Variants in CPN1 observed in about 807,000 individuals in gnomAD.
CPN1 encodes carboxypeptidase N subunit 1.
In CPN1, 37 loss-of-function variants were observed where a neutral mutation model predicts 46.4. The ratio of observed to expected loss-of-function variants is 0.80; its 90% CI spans 0.61 to 1.05. CPN1 has a LOEUF of 1.05. Ranked by LOEUF, CPN1 falls within the 50% of genes least tolerant of loss-of-function variation. The pLI is 0.00. For missense variants in CPN1, 563 were observed against 602.6 expected (o/e 0.93, Z 0.69); for synonymous variants, 224 against 235.4 (o/e 0.95, Z 0.44).
chr10:100,075,810 T>G, intron 2 of CPN1, 101 bp downstream of exon 2: 3 of 1,211,516 alleles, frequency 2.5e-6, no homozygotes, highest in Non-Finnish European at 3.6e-6. Flanking sequence ...CTTTTAACAT[T>G]TGTGATATTT....
intron 7 of CPN1, among the ~76,000 whole-genome samples, chr10:100,051,042 C>A (rs933449348): frequency 5.3e-5 from 8 of 152,210 alleles, no homozygotes; most frequent in East Asian, 3.9e-4. Flanking sequence ...AAAAAAATTT[C>A]TTTTATCATC....
chr10:100,069,592 A>G (rs2041472917), intron 3 of CPN1, 122 bp downstream of exon 3: 2 of 1,162,496 alleles, frequency 1.7e-6, no homozygotes, highest in African/African-American at 3.0e-5. Context: ...ATGGGTTAAT[A>G]CTGAGTTGAG....
chr10:100,072,362 A>G (rs1056378264), intron 2 of CPN1, among the ~76,000 whole-genome samples: 2 of 152,162 alleles, frequency 1.3e-5, no homozygotes, highest in Middle Eastern at 3.4e-3. Flanking sequence ...ATTTGTAAAG[A>G]TGGGGTTTTG....
At chr10:100,068,266 T>G (rs2041466019) in intron 3 of CPN1, among the ~76,000 whole-genome samples, 1 of 136,386 alleles carries the variant, frequency 7.3e-6, no homozygotes, top group African/African-American at 2.8e-5. Flanking sequence ...CAAGCTGGAG[T>G]GCAGTGGCAC....
At chr10:100,062,640 G>A (rs1274776952) in intron 5 of CPN1, among the ~76,000 whole-genome samples, 1 of 149,816 alleles carries the variant, frequency 6.7e-6, no homozygotes, top group Non-Finnish European at 1.5e-5. Context: ...CCAGGCTGGA[G>A]TGCAGTGGTG....
At chr10:100,064,786 TTTC>T (rs2041443523) in intron 4 of CPN1, among the ~76,000 whole-genome samples, 1 of 152,140 alleles carries the variant, frequency 6.6e-6, no homozygotes, top group South Asian at 2.1e-4. Flanking sequence ...GTAGTCTATT[TTTC>T]TTTTTTTCTT....
At chr10:100,055,352 C>T (rs138510644) in intron 6 of CPN1, among the ~76,000 whole-genome samples, 8 of 151,450 alleles carry the variant, frequency 5.3e-5, no homozygotes, top group Admixed American at 1.3e-4. Context: ...TCCATTATCC[C>T]CCCCCCCAGC....
chr10:100,054,126 T>C (rs1177440735), intron 7 of CPN1, among the ~76,000 whole-genome samples: 1 of 152,206 alleles, frequency 6.6e-6, no homozygotes, highest in Non-Finnish European at 1.5e-5. Context: ...ATTGCTTGCA[T>C]CAGAAGCAAA....
intron 5 of CPN1, among the ~76,000 whole-genome samples, chr10:100,059,989 C>CA (rs752868900): frequency 5.9e-5 from 9 of 152,190 alleles, no homozygotes; most frequent in Non-Finnish European, 8.8e-5. Context: ...AAGGCATTCA[C>CA]AAAAAGACAA....
intron 3 of CPN1, among the ~76,000 whole-genome samples, chr10:100,065,896 A>C (rs1187981161): frequency 6.6e-6 from 1 of 152,018 alleles, no homozygotes; most frequent in African/African-American, 2.4e-5. Context: ...TGTGAACCTA[A>C]AACTACCCTA....
intron 5 of CPN1, among the ~76,000 whole-genome samples, chr10:100,061,665 G>A (rs2041419097): frequency 6.6e-6 from 1 of 152,118 alleles, no homozygotes; most frequent in Non-Finnish European, 1.5e-5. Context: ...GTGGAGGCAT[G>A]GGCCTTGCTC....
At chr10:100,068,760 A>G (rs769646500) in intron 3 of CPN1, among the ~76,000 whole-genome samples, 28 of 151,934 alleles carry the variant, frequency 1.8e-4, no homozygotes, top group Non-Finnish European at 3.5e-4. Context: ...GCTAGTCTCA[A>G]ACTCCTGACC....
At chr10:100,070,771 A>G (rs986987398) in intron 2 of CPN1, among the ~76,000 whole-genome samples, 22 of 152,208 alleles carry the variant, frequency 1.4e-4, no homozygotes, top group African/African-American at 4.1e-4. Flanking sequence ...GGGAACCCCA[A>G]TGTTTTATGA....
At chr10:100,045,928 TG>T (rs1409536230) in intron 8 of CPN1, among the ~76,000 whole-genome samples, 1 of 152,128 alleles carries the variant, frequency 6.6e-6, no homozygotes, top group Non-Finnish European at 1.5e-5. Context: ...TTTTAGGAAA[TG>T]AGATCTGTAG....
intron 3 of CPN1, among the ~76,000 whole-genome samples, chr10:100,068,464 C>T (rs1188835953): frequency 5.3e-5 from 8 of 151,984 alleles, no homozygotes; most frequent in South Asian, 2.1e-4. Flanking sequence ...CCGCCCGCCT[C>T]GGCCTCCCAA....
At chr10:100,043,322 C>T (rs190625564) in intron 8 of CPN1, among the ~76,000 whole-genome samples, 1 of 148,648 alleles carries the variant, frequency 6.7e-6, no homozygotes, top group East Asian at 2.0e-4. Flanking sequence ...TTGAACTCAG[C>T]AGGCAGAGGT....
chr10:100,058,988 A>C (rs2133435336), intron 5 of CPN1, among the ~76,000 whole-genome samples: 1 of 152,320 alleles, frequency 6.6e-6, no homozygotes, highest in South Asian at 2.1e-4. Flanking sequence ...ATCCAAATGC[A>C]AAAGAATGAA....
intron 5 of CPN1, among the ~76,000 whole-genome samples, chr10:100,058,389 T>TAA (rs1005847330): frequency 1.5e-4 from 23 of 152,162 alleles, no homozygotes; most frequent in Admixed American, 3.3e-4. Context: ...AACACAATAT[T>TAA]AATCTGAAAA....
At chr10:100,042,598 CGA>C (rs746760058) in intron 8 of CPN1, 25 bp from the exon 9 acceptor site, 1 of 1,613,528 alleles carries the variant, frequency 6.2e-7, no homozygotes, top group African/African-American at 1.3e-5. Context: ...GCAGGAGCTA[CGA>C]GATCCGTTTG....
Sources: gnomAD v4.1 joint callset for allele counts (sites outside exome capture counted in the v4.1 genomes callset) on GRCh38, gnomAD v4.1.1 for gene constraint, MANE v1.5 for transcripts, NCBI Gene and HGNC (gene_info 2026-07-23, HGNC 2026-07-21) for gene names.